The following USP45 variants were observed in gnomAD, a reference collection of about 807,000 sequenced individuals.
USP45 encodes the protein ubiquitin carboxyl-terminal hydrolase 45.
USP45 carries 89 observed loss-of-function variants against 95.8 expected under a neutral mutation model. That is an observed-to-expected ratio of 0.93 (90% CI 0.78 to 1.11). USP45 has a LOEUF of 1.11. USP45 is among the 50% of genes least tolerant of loss of function. The pLI, the probability that USP45 is intolerant of heterozygous loss-of-function variation, is 0.00. For synonymous variants in USP45, 281 were observed against 316.2 expected (o/e 0.89, Z 1.18); for missense variants, 898 against 942.5 (o/e 0.95, Z 0.62).
At chr6:99,462,439 A>C in intron 13 of USP45, 2 of 983,262 alleles carry the variant, frequency 2.0e-6, no homozygotes, top group Non-Finnish European at 2.4e-6. Flanking sequence ...AAAAATAAAG[A>C]AAAAAAATCA....
Position 99,437,235 on chromosome 6 carries a change from G to A in USP45, c.2314+11C>T, listed in dbSNP as rs1328861779. 23 of 1,595,468 alleles carry A rather than the reference G, an allele frequency of 1.4e-5. No individual in the cohort carries two copies. Among genetic ancestry groups the A allele is most frequent in the Non-Finnish European group, 1.9e-5 (22 of 1,175,084 alleles). On this transcript the variant is annotated intron_variant, in intron 17 of 17. Transcript: ENST00000500704. Reference sequence around the variant, plus strand: ...TGTTTTTAAGAATAAAATAAACTTAGGATGGCATACCAGGCACATTTTTCT... The same window carrying A: ...TGTTTTTAAGAATAAAATAAACTTAAGATGGCATACCAGGCACATTTTTCT...
intron 9 of USP45, among the ~76,000 whole-genome samples, chr6:99,471,881 TGTAGCTGACCGTCAGGACTGTCCTC>T (rs1789484096): frequency 6.6e-6 from 1 of 152,198 alleles, no homozygotes; most frequent in Admixed American, 6.5e-5. Context: ...GCCCTGATAC[TGTAGCTGACCGTCAGGACTGTCCTC>T]GCTTATGAAA....
At chr6:99,495,721 TTAAG>T (rs1377506517) in intron 5 of USP45, among the ~76,000 whole-genome samples, 1 of 152,228 alleles carries the variant, frequency 6.6e-6, no homozygotes, top group Non-Finnish European at 1.5e-5. Context: ...GCCATTACTC[TTAAG>T]TAAAAGCTGT....
intron 13 of USP45, chr6:99,462,679 A>G (rs1314452128): frequency 1.0e-6 from 1 of 985,614 alleles, no homozygotes; most frequent in Non-Finnish European, 1.2e-6. Flanking sequence ...AAGTCTTCTA[A>G]CAGAGTAAGT....
intron 10 of USP45, among the ~76,000 whole-genome samples, chr6:99,467,809 G>A (rs1160340449): frequency 1.3e-5 from 2 of 152,102 alleles, no homozygotes; most frequent in East Asian, 3.9e-4. Context: ...AACAATGTGT[G>A]TATGTTTGCA....
At chr6:99,510,341 G>T in intron 1 of USP45, 111 bp from the exon 2 acceptor site, 1 of 670,758 alleles carries the variant, frequency 1.5e-6, no homozygotes, top group Non-Finnish European at 2.5e-6. Flanking sequence ...AACTGGTCCG[G>T]GAAATCAACA....
chr6:99,472,584 C>T (rs529493669), intron 9 of USP45, among the ~76,000 whole-genome samples: 1 of 152,124 alleles, frequency 6.6e-6, no homozygotes, highest in African/African-American at 2.4e-5. Context: ...TCCTGCAAAT[C>T]ATGGGGAAAA....
At chr6:99,452,445 A>G (rs1784104401) in intron 13 of USP45, among the ~76,000 whole-genome samples, 1 of 152,256 alleles carries the variant, frequency 6.6e-6, no homozygotes, top group Admixed American at 6.5e-5. Context: ...ATCACTGGCC[A>G]TCAGAGAAAA....
chr6:99,468,445 AT>A (rs1231361186), intron 10 of USP45, 91 bp downstream of exon 10: 6 of 836,880 alleles, frequency 7.2e-6, no homozygotes, highest in Admixed American at 4.8e-5. Context: ...ACTTTGGTGG[AT>A]TAGTTCACAT....
intron 13 of USP45, among the ~76,000 whole-genome samples, chr6:99,447,734 G>A (rs1385618686): frequency 1.3e-5 from 2 of 152,170 alleles, no homozygotes; most frequent in Non-Finnish European, 2.9e-5. Flanking sequence ...TCTGAGAACG[G>A]ACAGACTGCC....
chr6:99,475,780 G>C (rs137936469), intron 9 of USP45, among the ~76,000 whole-genome samples: 6 of 150,758 alleles, frequency 4.0e-5, no homozygotes, highest in Non-Finnish European at 8.8e-5. Context: ...TTTCTCAACT[G>C]TACTTTTAAA....
At chr6:99,487,947 T>C (rs1483416590) in intron 7 of USP45, among the ~76,000 whole-genome samples, 1 of 152,246 alleles carries the variant, frequency 6.6e-6, no homozygotes, top group East Asian at 1.9e-4. Context: ...TTTTGTTTCT[T>C]CCAGTATGTT....
chr6:99,515,506 T>A (rs1279928977), upstream of USP45: 1 of 151,890 alleles, frequency 6.6e-6, no homozygotes, highest in Non-Finnish European at 1.5e-5. Flanking sequence ...ACCGGGAGGG[T>A]TCCAGGCGGC....
chr6:99,482,368 C>A (rs998620518), intron 8 of USP45: 2 of 172,194 alleles, frequency 1.2e-5, no homozygotes, highest in African/African-American at 4.7e-5. Context: ...CCTCACAGCT[C>A]ATCTTTTAAA....
chr6:99,475,044 T>A (rs1267577317), intron 9 of USP45, among the ~76,000 whole-genome samples: 2 of 152,128 alleles, frequency 1.3e-5, no homozygotes, highest in Non-Finnish European at 2.9e-5. Flanking sequence ...AAACAACTGA[T>A]CCATGAGTGG....
intron 16 of USP45, 73 bp from the exon 17 acceptor site, chr6:99,437,472 T>A: frequency 7.3e-7 from 1 of 1,374,744 alleles, no homozygotes; most frequent in Non-Finnish European, 9.7e-7. Context: ...TAAGTAAATG[T>A]ATATCTGCTT....
chr6:99,502,723 T>G (rs1163245928), intron 5 of USP45, among the ~76,000 whole-genome samples: 1 of 152,078 alleles, frequency 6.6e-6, no homozygotes, highest in East Asian at 1.9e-4. Flanking sequence ...ATCATGGGAG[T>G]GGGCTTCTCA....
intron 15 of USP45, 63 bp from the exon 16 acceptor site, chr6:99,439,918 C>T: frequency 7.5e-7 from 1 of 1,337,270 alleles, no homozygotes; most frequent in Non-Finnish European, 1.0e-6. Flanking sequence ...TCTTTGTTAA[C>T]TAAAACCAAA....
intron 17 of USP45, among the ~76,000 whole-genome samples, chr6:99,436,173 C>A (rs1780445165): frequency 6.6e-6 from 1 of 151,934 alleles, no homozygotes. Flanking sequence ...CCCGACAGGC[C>A]CAGTGTGTGA....
Sources: allele counts gnomAD v4.1 joint callset (sites outside exome capture counted in the v4.1 genomes callset), GRCh38; gene constraint gnomAD v4.1.1; transcripts MANE v1.5; gene names NCBI Gene and HGNC (gene_info 2026-07-23, HGNC 2026-07-21).